RGS22: variants seen among roughly 807,000 people sequenced by gnomAD.
RGS22 encodes regulator of G protein signaling 22.
A neutral mutation model predicts 172.9 loss-of-function variants in RGS22; 148 were observed. The ratio of observed to expected loss-of-function variants is 0.86; its 90% confidence interval spans 0.75 to 0.98. The LOEUF is 0.98. Among genes scored for constraint, RGS22 ranks in the 50% least tolerant of loss-of-function variants. The probability of loss-of-function intolerance (pLI) is 0.00; values close to 1 mark genes in which losing one functional copy is unlikely to be tolerated. For missense variants in RGS22, 1,347 were observed against 1,440.8 expected (o/e 0.93, Z 1.05); for synonymous variants, 458 against 480.2 (o/e 0.95, Z 0.60).
chr8:100,041,403 T>C (rs1220047235), intron 12 of RGS22, among the ~76,000 whole-genome samples: 3 of 151,888 alleles, frequency 2.0e-5, no homozygotes, highest in Non-Finnish European at 4.4e-5. Flanking sequence ...AGGCAGGGAA[T>C]TGCTTGAACC....
chr8:100,008,615 C>T (rs1312568527), intron 14 of RGS22, 46 bp from the exon 15 acceptor site: 3 of 1,449,442 alleles, frequency 2.1e-6, no homozygotes, highest in Non-Finnish European at 2.8e-6. Context: ...AGAGAAGCCA[C>T]AATGGTTAGC....
At chr8:100,067,234 A>C (rs555632247) in intron 6 of RGS22, among the ~76,000 whole-genome samples, 28 of 152,338 alleles carry the variant, frequency 1.8e-4, no homozygotes, top group African/African-American at 6.5e-4. Context: ...ATAGCAAGTC[A>C]AGCCACATAA....
chr8:99,979,340 A>G (rs1266465284), intron 22 of RGS22, among the ~76,000 whole-genome samples: 4 of 152,104 alleles, frequency 2.6e-5, no homozygotes, highest in African/African-American at 9.7e-5. Context: ...TTAAGACACA[A>G]TTTTTCAATA....
intron 18 of RGS22, among the ~76,000 whole-genome samples, chr8:99,999,710 T>C (rs1814817861): frequency 6.6e-6 from 1 of 152,136 alleles, no homozygotes; most frequent in Admixed American, 6.5e-5. Context: ...AGCAATGGCA[T>C]TTTTTTCCCT....
chr8:100,033,076 A>C lies in RGS22; in HGVS notation c.2166+5855T>G, dbSNP rs1819021001. 2.6e-5 allele frequency among the ~76,000 whole-genome samples: 4 copies of C among 152,246 alleles called. No individual in the cohort carries two copies. In the South Asian group the frequency reaches 8.3e-4, roughly 32 times the overall value. On this transcript the variant is annotated intron_variant, in intron 14 of 27. Transcript: ENST00000360863. ...CACAAGAGAAAGCAGGAAAGACCTA[A>C]AATTGACACCCTAACATCACAATTA...
At chr8:100,081,801 G>C (rs923890021) in intron 3 of RGS22, among the ~76,000 whole-genome samples, 1 of 152,052 alleles carries the variant, frequency 6.6e-6, no homozygotes, top group African/African-American at 2.4e-5. Flanking sequence ...AATATTAATG[G>C]GAGTAGGAGA....
chr8:100,056,454 T>C (rs774459222), intron 9 of RGS22, among the ~76,000 whole-genome samples: 17 of 152,194 alleles, frequency 1.1e-4, no homozygotes, highest in Non-Finnish European at 2.4e-4. Context: ...GTCAGAGACC[T>C]TCACGGCAGC....
chr8:100,004,278 A>T (rs1282995445), intron 16 of RGS22, 180 bp from the exon 17 acceptor site: 5 of 341,602 alleles, frequency 1.5e-5, no homozygotes, highest in African/African-American at 2.2e-5. Context: ...TAACATATCA[A>T]ATTCTGTTCT....
At position 99,996,604 on chromosome 8, in the gene RGS22, T is replaced by TA. The variant is rs1814418334; in HGVS notation, c.2950-75dup. ...TGAAATCATTTACTAATTAAGTAGC[T>TA]AAAAAAATGAGATAAAGGTTAACTT... is the stretch of plus-strand genomic sequence containing the variant. On this transcript the variant is annotated intron_variant, in intron 19 of 27. Transcript: ENST00000360863. The TA allele has an allele frequency of 2.5e-6, 3 of 1,203,698 alleles. No individual in the cohort carries two copies. In the East Asian group the frequency reaches 7.1e-5, roughly 28 times the overall value. 74.6% of individuals were successfully genotyped at this position (1,203,698 alleles called of 1,614,324 possible). A position where few individuals can be genotyped will look rare whatever the true frequency, so the allele number is the denominator to read the frequency against.
chr8:100,017,576 T>C (rs1328368010), intron 14 of RGS22, among the ~76,000 whole-genome samples: 8 of 152,142 alleles, frequency 5.3e-5, no homozygotes, highest in Non-Finnish European at 1.2e-4. Context: ...AGGCAATCTG[T>C]AAGTGGATAA....
rs1336885741 is a variant in RGS22 at position 100,103,867 on chromosome 8, T to C, written c.54+1507A>G. Among the ~76,000 whole-genome samples the C allele has an allele frequency of 2.0e-5, 3 of 152,108 alleles. No homozygotes were observed. The East Asian group carries it at 5.8e-4, about 29-fold the overall frequency. ...TGAGTTCAAGGATGGGGCCAACACC[T>C]AAAATAGTGAACTGTTCAAACAGTA... On this transcript the variant is annotated intron_variant, in intron 2 of 27. Transcript: ENST00000360863.
At chr8:99,996,752 G>A (rs576850847) in intron 19 of RGS22, among the ~76,000 whole-genome samples, 29 of 152,196 alleles carry the variant, frequency 1.9e-4, no homozygotes, top group African/African-American at 6.7e-4. Context: ...AATACTACCC[G>A]ATTGTTATTG....
intron 15 of RGS22, 82 bp from the exon 16 acceptor site, chr8:100,006,191 G>T: frequency 9.6e-7 from 1 of 1,043,802 alleles, no homozygotes; most frequent in Non-Finnish European, 1.4e-6. Context: ...AAATACAGTT[G>T]CCAATAAAGG....
At chr8:99,967,206 C>T (rs6468701) in intron 23 of RGS22, among the ~76,000 whole-genome samples, 113,265 of 152,118 alleles carry the variant, frequency 0.74, 43,466 homozygotes, top group African/African-American at 0.94. Context: ...ATACTATGCT[C>T]TTCCCACGGT....
At chr8:100,027,111 AG>A (rs1424154721) in intron 14 of RGS22, among the ~76,000 whole-genome samples, 1 of 152,044 alleles carries the variant, frequency 6.6e-6, no homozygotes, top group Non-Finnish European at 1.5e-5. Flanking sequence ...TTCAGCTACT[AG>A]GGGAATCATA....
intron 23 of RGS22, among the ~76,000 whole-genome samples, chr8:99,972,159 C>G (rs1811433337): frequency 6.6e-6 from 1 of 152,122 alleles, no homozygotes; most frequent in Non-Finnish European, 1.5e-5. Flanking sequence ...AAAGGATTCC[C>G]TATTTAATAA....
chr8:100,035,927 G>A (rs1819407028), intron 14 of RGS22, among the ~76,000 whole-genome samples: 1 of 152,040 alleles, frequency 6.6e-6, no homozygotes, highest in South Asian at 2.1e-4. Flanking sequence ...TTGGACACAG[G>A]GCAGAGAACA....
At chr8:100,037,233 G>T (rs1475696440) in intron 14 of RGS22, among the ~76,000 whole-genome samples, 1 of 152,166 alleles carries the variant, frequency 6.6e-6, no homozygotes, top group African/African-American at 2.4e-5. Context: ...GTTCAAGGCT[G>T]CAGTGAGCTA....
intron 3 of RGS22, among the ~76,000 whole-genome samples, chr8:100,083,378 G>T (rs1320562796): frequency 1.3e-5 from 2 of 151,816 alleles, no homozygotes; most frequent in African/African-American, 4.8e-5. Context: ...ATTACTTTTG[G>T]TTTTTTTTGA....
Sources: allele counts gnomAD v4.1 joint callset (sites outside exome capture counted in the v4.1 genomes callset), GRCh38; gene constraint gnomAD v4.1.1; transcripts MANE v1.5; gene names NCBI Gene and HGNC (gene_info 2026-07-23, HGNC 2026-07-21).